The following AFG1L variants were observed in gnomAD, a reference collection of about 807,000 sequenced individuals.
AFG1L encodes the protein AFG1 like ATPase.
A neutral mutation model predicts 62.2 loss-of-function variants in AFG1L; 53 were observed. That is an observed-to-expected ratio of 0.85 (90% CI 0.68 to 1.07). The LOEUF (loss-of-function observed/expected upper bound fraction) is 1.07. Among genes scored for constraint, AFG1L ranks in the 50% least tolerant of loss-of-function variants. The pLI is 0.00. For missense variants in AFG1L, 555 were observed against 590.5 expected, an observed-to-expected ratio of 0.94 and a Z score of 0.62; for synonymous variants, 228 against 210.3, an observed-to-expected ratio of 1.08 and a Z score of -0.73.
rs191720496 is a variant in AFG1L, at chr6:108,407,663, C to G, written c.807+5609C>G. Among the ~76,000 whole-genome samples the G allele has an allele frequency of 3.2e-3, 480 of 148,432 alleles. 6 individuals carry two copies. The highest frequency in any genetic ancestry group is 4.2e-3 in the Non-Finnish European group (284 of 67,482). On this transcript the variant is annotated intron_variant, in intron 7 of 12. Coordinates refer to ENST00000368977, the MANE Select transcript of AFG1L (RefSeq NM_145315.5). ...TTGTGTCACTGTACTCCAGCCTGGG[C>G]AACAAAGCAATACCCTGTCTCTGGA...
chr6:108,508,911 C>T (rs1421406188), intron 10 of AFG1L, among the ~76,000 whole-genome samples: 2 of 152,146 alleles, frequency 1.3e-5, no homozygotes, highest in African/African-American at 4.8e-5. Context: ...TGGATTCTGC[C>T]AGAAACTGAG....
chr6:108,405,519 G>C (rs1344045557), intron 7 of AFG1L, among the ~76,000 whole-genome samples: 3 of 151,980 alleles, frequency 2.0e-5, no homozygotes, highest in Non-Finnish European at 4.4e-5. Flanking sequence ...GCTAATTTTT[G>C]TATTTTTTGT....
intron 2 of AFG1L, among the ~76,000 whole-genome samples, chr6:108,334,558 A>C (rs1778406049): frequency 6.9e-6 from 1 of 145,644 alleles, no homozygotes; most frequent in South Asian, 2.2e-4. Context: ...TAAAAAAAAA[A>C]CAAATAGACT....
intron 10 of AFG1L, among the ~76,000 whole-genome samples, chr6:108,505,957 TACTG>T (rs1774404125): frequency 6.6e-6 from 1 of 152,120 alleles, no homozygotes; most frequent in African/African-American, 2.4e-5. Flanking sequence ...TGGAGAAAAA[TACTG>T]ACAACACACT....
At chr6:108,311,296 C>G (rs988199153) in intron 1 of AFG1L, among the ~76,000 whole-genome samples, 5 of 152,140 alleles carry the variant, frequency 3.3e-5, no homozygotes, top group Admixed American at 1.3e-4. Context: ...CCTTCCCTCC[C>G]TTTCCATGGC....
chr6:108,461,557 GC>G (rs1772463140), intron 8 of AFG1L, among the ~76,000 whole-genome samples: 1 of 152,076 alleles, frequency 6.6e-6, no homozygotes, highest in Non-Finnish European at 1.5e-5. Flanking sequence ...CTAGACTCAA[GC>G]CATTTTCCCG....
chr6:108,462,095 A>T (rs1772483916), intron 8 of AFG1L, among the ~76,000 whole-genome samples: 1 of 151,754 alleles, frequency 6.6e-6, no homozygotes, highest in South Asian at 2.1e-4. Flanking sequence ...ACTCCGTCTC[A>T]AAAAAAGAAA....
Position 108,502,451 on chromosome 6 carries a change from C to T in AFG1L, c.1063-7761C>T, listed in dbSNP as rs577836864. Among the ~76,000 whole-genome samples the T allele has an allele frequency of 3.2e-4, 49 of 152,236 alleles. 1 individual carries two copies. Among genetic ancestry groups the T allele is most frequent in the African/African-American group, 1.1e-3 (47 of 41,544 alleles). On this transcript the variant is annotated intron_variant, in intron 10 of 12. Transcript: ENST00000368977. ...AACTCCCTGCCTCAGGTGATCCACT[C>T]GCTTCGGCCTCCCAAAGTGCTGAGA... is the stretch of plus-strand genomic sequence containing the variant.
chr6:108,453,858 A>G (rs1772154223), intron 8 of AFG1L, among the ~76,000 whole-genome samples: 1 of 152,176 alleles, frequency 6.6e-6, no homozygotes, highest in Non-Finnish European at 1.5e-5. Context: ...CTGCAGTTTC[A>G]GTCTCAGTTT....
intron 2 of AFG1L, among the ~76,000 whole-genome samples, chr6:108,340,444 A>C (rs1778639072): frequency 6.6e-6 from 1 of 150,726 alleles, no homozygotes; most frequent in Non-Finnish European, 1.5e-5. Flanking sequence ...GCTCACTGCA[A>C]CCTCCATCTC....
intron 2 of AFG1L, among the ~76,000 whole-genome samples, chr6:108,344,577 C>A (rs1778796540): frequency 6.6e-6 from 1 of 152,104 alleles, no homozygotes; most frequent in South Asian, 2.1e-4. Context: ...CAGAGTGAGA[C>A]CCTGTCTCTA....
At chr6:108,350,347 A>T (rs1014594664) in intron 3 of AFG1L, among the ~76,000 whole-genome samples, 2 of 150,880 alleles carry the variant, frequency 1.3e-5, no homozygotes, top group African/African-American at 4.9e-5. Context: ...TAAATAAATA[A>T]TTTTTAAGGA....
chr6:108,418,830 T>C (rs1770452517), intron 7 of AFG1L, among the ~76,000 whole-genome samples: 1 of 152,178 alleles, frequency 6.6e-6, no homozygotes, highest in Non-Finnish European at 1.5e-5. Flanking sequence ...TTATTTAAAA[T>C]TAGTGTGGTT....
At chr6:108,405,468 TC>T (rs1419393548) in intron 7 of AFG1L, among the ~76,000 whole-genome samples, 1 of 152,100 alleles carries the variant, frequency 6.6e-6, no homozygotes, top group African/African-American at 2.4e-5. Context: ...TGCCCCAGCC[TC>T]CTGAGTAGCT....
At chr6:108,328,097 G>C (rs949102227) in intron 2 of AFG1L, among the ~76,000 whole-genome samples, 3 of 151,970 alleles carry the variant, frequency 2.0e-5, no homozygotes, top group African/African-American at 7.3e-5. Context: ...GTTGAGTAAA[G>C]AACCAAAAAA....
chr6:108,419,325 C>CTA (rs1410447598), intron 7 of AFG1L, among the ~76,000 whole-genome samples: 1 of 152,104 alleles, frequency 6.6e-6, no homozygotes, highest in African/African-American at 2.4e-5. Flanking sequence ...GCTTAGCATG[C>CTA]TATCTTCTTT....
intron 6 of AFG1L, chr6:108,392,021 A>G (rs1307743888): frequency 6.6e-6 from 1 of 152,002 alleles, no homozygotes; most frequent in Admixed American, 6.6e-5. Context: ...GATATGTCAT[A>G]TTTTTTCCTG....
intron 1 of AFG1L, among the ~76,000 whole-genome samples, chr6:108,310,776 T>C (rs1414219178): frequency 1.3e-5 from 2 of 152,056 alleles, no homozygotes; most frequent in Admixed American, 6.5e-5. Context: ...GGTTTCGCCA[T>C]GTTGGCCAGG....
chr6:108,312,147 G>T (rs961878844), intron 1 of AFG1L, among the ~76,000 whole-genome samples: 1 of 152,198 alleles, frequency 6.6e-6, no homozygotes, highest in African/African-American at 2.4e-5. Flanking sequence ...TTACAGGCGT[G>T]AGCCATCGTG....
Sources: allele counts gnomAD v4.1 joint callset (sites outside exome capture counted in the v4.1 genomes callset), GRCh38; gene constraint gnomAD v4.1.1; transcripts MANE v1.5; gene names NCBI Gene and HGNC (gene_info 2026-07-23, HGNC 2026-07-21).